PCDHGA2: variants seen among roughly 807,000 people sequenced by gnomAD.
PCDHGA2 encodes the protein protocadherin gamma subfamily A, 2, also known as protocadherin gamma-A2.
Under a neutral mutation model 59.2 loss-of-function variants are expected in PCDHGA2, and 40 were observed. The ratio of observed to expected loss-of-function variants is 0.68; its 90% CI spans 0.52 to 0.88. PCDHGA2 has a LOEUF of 0.88. Ranked by LOEUF, PCDHGA2 falls within the 40% of genes least tolerant of loss-of-function variation. PCDHGA2 has a pLI of 0.00. For synonymous variants in PCDHGA2, 560 were observed against 526.0 expected, an observed-to-expected ratio of 1.06 and a Z score of -0.89; for missense variants, 1,226 against 1,204.0, an observed-to-expected ratio of 1.02 and a Z score of -0.27.
intron 1 of PCDHGA2, chr5:141,420,275 G>A: frequency 1.3e-6 from 2 of 1,524,576 alleles, no homozygotes; most frequent in Non-Finnish European, 1.8e-6. Flanking sequence ...TCTTAAACAG[G>A]TAAGTATTTA....
chr5:141,385,582 G>C, intron 1 of PCDHGA2: 1 of 1,273,856 alleles, frequency 7.9e-7, no homozygotes, highest in Non-Finnish European at 9.9e-7. Context: ...TCCAATCTAT[G>C]TTCCAACCTA....
At position 141,489,888 on chromosome 5, in the gene PCDHGA2, T is replaced by TG. The variant is rs759744295; in HGVS notation, c.2425-4913dup. On this transcript the variant is annotated intron_variant, in intron 1 of 3. Coordinates refer to ENST00000394576, the MANE Select transcript of PCDHGA2 (RefSeq NM_018915.4). The surrounding 1 kb of genome is among the most constrained non-coding windows in gnomAD (Gnocchi z 4.5). ...ATCAGCTGGTGCTTACTGCTGTGGATGGGGGGACCCCAGCCCGCTCAGGGA... is the reference window on the plus strand; with the variant it reads ...ATCAGCTGGTGCTTACTGCTGTGGATGGGGGGGACCCCAGCCCGCTCAGGGA... 6.4e-5 allele frequency: 103 copies of TG among 1,614,088 alleles called. No individual in the cohort carries two copies. Among genetic ancestry groups the TG allele is most frequent in the Non-Finnish European group, 8.6e-5 (101 of 1,180,048 alleles).
intron 1 of PCDHGA2, chr5:141,344,754 A>T: frequency 6.2e-7 from 1 of 1,613,914 alleles, no homozygotes; most frequent in East Asian, 2.2e-5. Flanking sequence ...CAACCCACCA[A>T]TGTTTACTCA....
intron 1 of PCDHGA2, chr5:141,419,208 C>G: frequency 5.6e-6 from 9 of 1,613,966 alleles, no homozygotes; most frequent in Non-Finnish European, 6.8e-6. Flanking sequence ...GACAACGCGC[C>G]GGTTTTCGGA....
intron 1 of PCDHGA2, among the ~76,000 whole-genome samples, chr5:141,382,057 G>A (rs1777911677): frequency 6.6e-6 from 1 of 151,794 alleles, no homozygotes; most frequent in Non-Finnish European, 1.5e-5. Flanking sequence ...TCAAGCTCCC[G>A]ACCTCAGGTG....
intron 1 of PCDHGA2, chr5:141,383,043 C>G: frequency 9.3e-6 from 15 of 1,613,860 alleles, no homozygotes; most frequent in Non-Finnish European, 1.3e-5. Context: ...TGGGAGACAT[C>G]GCCAAGGACC....
chr5:141,360,156 G>T (rs1761446039), intron 1 of PCDHGA2: 1 of 1,604,878 alleles, frequency 6.2e-7, no homozygotes, highest in Non-Finnish European at 8.5e-7. Context: ...GCTCAGGGAG[G>T]TGCGGGCTGG....
rs1000098905 is a variant in PCDHGA2 at position 141,353,769 on chromosome 5, C to T, written c.2424+12374C>T. ...TAAACATGTTGAGATTTTTTTAATG[C>T]ATACTGTCAAATTTATTTCCAAACA... On this transcript the variant is annotated intron_variant, in intron 1 of 3. Coordinates refer to ENST00000394576, the MANE Select transcript of PCDHGA2 (RefSeq NM_018915.4). Among the ~76,000 whole-genome samples, 6 of 152,110 alleles carry T rather than the reference C, an allele frequency of 3.9e-5. No homozygotes were observed. In the South Asian group the frequency reaches 8.3e-4, roughly 21 times the overall value.
At position 141,476,669 on chromosome 5, in the gene PCDHGA2, C is replaced by G; in HGVS notation, c.2425-18138C>G. ...AAATGAATACTTTGCGCTTCGCGTGCAGACGCGGGAGGACAGCACCAAGTA... is the reference window on the plus strand; with the variant it reads ...AAATGAATACTTTGCGCTTCGCGTGGAGACGCGGGAGGACAGCACCAAGTA... On this transcript the variant is annotated intron_variant, in intron 1 of 3. Coordinates refer to ENST00000394576, the MANE Select transcript of PCDHGA2 (RefSeq NM_018915.4). This position sits in a 1 kb window ranked among gnomAD's most constrained non-coding sequence, Gnocchi z 7.6. 6.2e-7 allele frequency: 1 copy of G among 1,614,246 alleles called. No individual in the cohort carries two copies. The highest frequency in any genetic ancestry group is 1.1e-5 in the South Asian group (1 of 91,086).
chr5:141,341,229 A>G lies in PCDHGA2; in HGVS notation c.2258A>G (p.Tyr753Cys), dbSNP rs755198049. 4.0e-5 allele frequency: 64 copies of G among 1,614,218 alleles called. No individual in the cohort carries two copies. The highest frequency in any genetic ancestry group is 5.4e-5 in the Non-Finnish European group (64 of 1,180,038). Residue 753 changes from tyrosine (Y) to cysteine (C), a missense_variant, in exon 1 of 4, where the codon TAT becomes TGT. Tyr to Cys is a radical substitution (Grantham distance 194, BLOSUM62 -2). Transcript: ENST00000394576. ...VDGVRAFLQT[Y>C]SHEVSLTADS... is the part of the protein sequence containing the mutation. Reference sequence around the variant, plus strand: ...GGGGTTCGGGCTTTCCTGCAGACCTATTCCCACGAGGTCTCCCTCACTGCG... The same window carrying G: ...GGGGTTCGGGCTTTCCTGCAGACCTGTTCCCACGAGGTCTCCCTCACTGCG...
At chr5:141,366,266 G>T (rs1014933070) in intron 1 of PCDHGA2, 1 of 1,613,562 alleles carries the variant, frequency 6.2e-7, no homozygotes. Flanking sequence ...CGTGGTGGCC[G>T]TCGAAGACCA....
Position 141,491,793 on chromosome 5 carries a change from C to A in PCDHGA2, c.2425-3014C>A. 6.6e-7 allele frequency: 1 copy of A among 1,511,410 alleles called. No homozygotes were observed. The highest frequency in any genetic ancestry group is 1.3e-5 in the South Asian group (1 of 77,572). The allele number at this position is 1,511,410 out of a possible 1,614,324, so 93.6% of individuals were successfully genotyped here. On this transcript the variant is annotated intron_variant, in intron 1 of 3. Coordinates refer to ENST00000394576, the MANE Select transcript of PCDHGA2 (RefSeq NM_018915.4). This position sits in a 1 kb window ranked among gnomAD's most constrained non-coding sequence, Gnocchi z 6.9. ...AGGGATTGAACTTGCATCCACTCCT[C>A]TCCGGCCGGCTTGGTCGCTGGCTGC...
chr5:141,402,994 C>A (rs1253121982), intron 1 of PCDHGA2: 1 of 1,613,722 alleles, frequency 6.2e-7, no homozygotes, highest in Non-Finnish European at 8.5e-7. Context: ...GAAGATTAGT[C>A]CTGCTATGCT....
rs1219684339 is a variant in PCDHGA2, at chr5:141,506,444, CAA to C, written c.2572+983_2572+984del. Among the ~76,000 whole-genome samples the C allele has an allele frequency of 5.9e-3, 564 of 95,004 alleles. 2 individuals carry two copies. The highest frequency in any genetic ancestry group is 0.013 in the African/African-American group (317 of 25,186). 62.3% of individuals were successfully genotyped at this position (95,004 alleles called of 152,430 possible). Reference sequence around the variant, plus strand: ...CCTGGGCAACAGTCTCGCTCTGTCTCAAAAAAAAAAAAAAAAAAAAAGAGCAC... The same window carrying C: ...CCTGGGCAACAGTCTCGCTCTGTCTCAAAAAAAAAAAAAAAAAAAGAGCAC... On this transcript the variant is annotated intron_variant, in intron 3 of 3. Transcript: ENST00000394576.
intron 1 of PCDHGA2, chr5:141,412,667 AC>A (rs1385712050): frequency 6.6e-6 from 1 of 152,284 alleles, no homozygotes; most frequent in Non-Finnish European, 1.5e-5. Flanking sequence ...CACTAATATG[AC>A]CTAAAATAAG....
chr5:141,413,630 C>T (rs746896115), intron 1 of PCDHGA2: 2 of 1,613,692 alleles, frequency 1.2e-6, no homozygotes, highest in Admixed American at 3.3e-5. Flanking sequence ...AATGTCGCTG[C>T]GGGAATGCGT....
intron 1 of PCDHGA2, chr5:141,390,339 C>T: frequency 6.3e-7 from 1 of 1,591,234 alleles, no homozygotes; most frequent in Non-Finnish European, 8.6e-7. Flanking sequence ...TCCATATTCA[C>T]AAGAAAATAT....
chr5:141,437,782 A>C (rs1410096491), intron 1 of PCDHGA2, among the ~76,000 whole-genome samples: 1 of 151,512 alleles, frequency 6.6e-6, no homozygotes, highest in African/African-American at 2.4e-5. Context: ...TCTGTCGCCA[A>C]GCTGGAGTGC....
rs1378433689 is a variant in PCDHGA2, at chr5:141,409,139, G to A, written c.2424+67744G>A. Reference sequence around the variant, plus strand: ...CCAGTCATTTGATTTTGAAGATGTAGAAAGGTACACCATGGAAGTGGAAGC... The same window carrying A: ...CCAGTCATTTGATTTTGAAGATGTAAAAAGGTACACCATGGAAGTGGAAGC... On this transcript the variant is annotated intron_variant, in intron 1 of 3. Transcript: ENST00000394576. 5.6e-6 allele frequency: 9 copies of A among 1,613,894 alleles called. No homozygotes were observed. In the Admixed American group the frequency reaches 1.5e-4, roughly 27 times the overall value.
Sources: allele counts gnomAD v4.1 joint callset (sites outside exome capture counted in the v4.1 genomes callset), GRCh38; gene constraint gnomAD v4.1.1; non-coding constraint Gnocchi (gnomAD v3.1); transcripts MANE v1.5; gene names NCBI Gene and HGNC (gene_info 2026-07-23, HGNC 2026-07-21).